Variants in TMEM132D observed in about 807,000 individuals in gnomAD.
TMEM132D encodes transmembrane protein 132D, also known as mature OL transmembrane protein.
TMEM132D carries 21 observed loss-of-function variants against 62.3 expected under a neutral mutation model. The observed-to-expected ratio is 0.34, with a 90% CI of 0.24 to 0.49. TMEM132D has a LOEUF of 0.49. TMEM132D is among the 20% of genes least tolerant of loss of function. TMEM132D has a pLI of 0.99. For missense variants in TMEM132D, 1,346 were observed against 1,402.8 expected, an observed-to-expected ratio of 0.96 and a Z score of 0.65; for synonymous variants, 621 against 575.6, an observed-to-expected ratio of 1.08 and a Z score of -1.13.
chr12:129,423,725 C>T (rs569403057), intron 3 of TMEM132D, among the ~76,000 whole-genome samples: 1 of 152,232 alleles, frequency 6.6e-6, no homozygotes, highest in Admixed American at 6.5e-5. Flanking sequence ...CCTTCCTCAA[C>T]ACGAACTTTC....
At chr12:129,504,678 GTTTCA>G (rs1875275824) in intron 3 of TMEM132D, among the ~76,000 whole-genome samples, 1 of 152,062 alleles carries the variant, frequency 6.6e-6, no homozygotes, top group Non-Finnish European at 1.5e-5. Context: ...CCAGCTTTTT[GTTTCA>G]TTTATCTTTT....
At chr12:129,194,572 T>C (rs909304744) in intron 5 of TMEM132D, among the ~76,000 whole-genome samples, 1 of 152,198 alleles carries the variant, frequency 6.6e-6, no homozygotes, top group Non-Finnish European at 1.5e-5. Context: ...CGAGTTTACC[T>C]ACGTAACAAA....
At chr12:129,567,559 G>A (rs1328148551) in intron 2 of TMEM132D, among the ~76,000 whole-genome samples, 1 of 152,174 alleles carries the variant, frequency 6.6e-6, no homozygotes, top group East Asian at 1.9e-4. Flanking sequence ...TATTGCTACA[G>A]AGTGGATGCA....
intron 3 of TMEM132D, among the ~76,000 whole-genome samples, chr12:129,525,789 A>G (rs952518400): frequency 6.6e-6 from 1 of 152,228 alleles, no homozygotes; most frequent in Admixed American, 6.5e-5. Context: ...TCTCACATTT[A>G]TGTTCTTCCC....
intron 3 of TMEM132D, among the ~76,000 whole-genome samples, chr12:129,473,808 C>T (rs1482025800): frequency 7.9e-5 from 12 of 152,300 alleles, no homozygotes; most frequent in Non-Finnish European, 1.6e-4. Flanking sequence ...GCAGTATCTC[C>T]GAGGCATGTC....
chr12:129,134,121 T>TGC, intron 5 of TMEM132D, among the ~76,000 whole-genome samples: 1 of 142,056 alleles, frequency 7.0e-6, no homozygotes, highest in South Asian at 2.2e-4. Context: ...GTGTGTTGTG[T>TGC]GTGTGTGTGT....
intron 1 of TMEM132D, among the ~76,000 whole-genome samples, chr12:129,809,208 T>G (rs1310862612): frequency 8.6e-5 from 13 of 150,770 alleles, no homozygotes. Flanking sequence ...TTCGGGAGGC[T>G]GAGGCAGGAG....
chr12:129,360,449 G>C (rs1487265340), intron 3 of TMEM132D, among the ~76,000 whole-genome samples: 1 of 152,210 alleles, frequency 6.6e-6, no homozygotes, highest in Non-Finnish European at 1.5e-5. Context: ...CAATGAGGAT[G>C]GAAAGCACCA....
chr12:129,146,295 C>T (rs1236745642), intron 5 of TMEM132D, among the ~76,000 whole-genome samples: 1 of 152,156 alleles, frequency 6.6e-6, no homozygotes, highest in Admixed American at 6.5e-5. Context: ...ACTGATTCTA[C>T]CTGCTAGATA....
At chr12:129,097,590 G>A (rs1302756707) in intron 5 of TMEM132D, among the ~76,000 whole-genome samples, 2 of 152,156 alleles carry the variant, frequency 1.3e-5, no homozygotes, top group Non-Finnish European at 2.9e-5. Flanking sequence ...ATGGCCTTAG[G>A]CCTCCAATGG....
chr12:129,891,351 C>G (rs1205854932), intron 1 of TMEM132D, among the ~76,000 whole-genome samples: 1 of 152,168 alleles, frequency 6.6e-6, no homozygotes, highest in Non-Finnish European at 1.5e-5. Context: ...CACACTTTGA[C>G]CAAAACAGAG....
In TMEM132D at chr12:129,786,633, G is replaced by A. The variant is rs892914795; in HGVS notation, c.80-85935C>T. 3.9e-5 allele frequency among the ~76,000 whole-genome samples: 6 copies of A among 152,300 alleles called. No individual in the cohort carries two copies. In the East Asian group the frequency reaches 1.2e-3, roughly 29 times the overall value. On this transcript the variant is annotated intron_variant, in intron 1 of 8. Coordinates refer to ENST00000422113, the MANE Select transcript of TMEM132D (RefSeq NM_133448.3). ...TGGCCAGGCATGATAGCTCACGCCTGTAACCCCAGCACTCTGGGAGGCCAA... is the reference window on the plus strand; with the variant it reads ...TGGCCAGGCATGATAGCTCACGCCTATAACCCCAGCACTCTGGGAGGCCAA...
rs540480596 is a variant in TMEM132D at position 129,677,194 on chromosome 12, G to A, written c.968+22616C>T. On this transcript the variant is annotated intron_variant, in intron 2 of 8. Transcript: ENST00000422113. ...TCCCACATGTCATGAGAGGAACCTG[G>A]TGGGAGGTGAATGAATTATTGGGGC... Among the ~76,000 whole-genome samples, 6 of 152,284 alleles carry A rather than the reference G, an allele frequency of 3.9e-5. No homozygotes were observed. The South Asian group carries it at 1.2e-3, about 32-fold the overall frequency.
chr12:129,140,214 CCACACACACACACACACA>C (rs58179230), intron 5 of TMEM132D, among the ~76,000 whole-genome samples: 1 of 148,552 alleles, frequency 6.7e-6, no homozygotes, highest in Non-Finnish European at 1.5e-5. Flanking sequence ...GGCGCTGTTA[CCACACACACACACACACA>C]CACACACACA....
chr12:129,206,202 A>C (rs573128940), intron 5 of TMEM132D, among the ~76,000 whole-genome samples: 1 of 152,332 alleles, frequency 6.6e-6, no homozygotes, highest in South Asian at 2.1e-4. Flanking sequence ...TTGCAAACTT[A>C]GCATCTGACA....
chr12:129,080,645 C>A (rs554715152), intron 7 of TMEM132D, among the ~76,000 whole-genome samples: 106 of 152,320 alleles, frequency 7.0e-4, no homozygotes, highest in Non-Finnish European at 1.2e-3. Flanking sequence ...GCATTGCCTG[C>A]AGATGGGGCA....
At chr12:129,161,685 C>A (rs1468462464) in intron 5 of TMEM132D, among the ~76,000 whole-genome samples, 3 of 152,194 alleles carry the variant, frequency 2.0e-5, no homozygotes, top group African/African-American at 7.2e-5. Flanking sequence ...CTCGTGCCAG[C>A]CTCTCCCCTG....
At chr12:129,346,520 T>G (rs1161014703) in intron 3 of TMEM132D, among the ~76,000 whole-genome samples, 2 of 152,152 alleles carry the variant, frequency 1.3e-5, no homozygotes, top group African/African-American at 4.8e-5. Context: ...TTCTTTTAAT[T>G]GTGACGTTAG....
intron 5 of TMEM132D, among the ~76,000 whole-genome samples, chr12:129,149,233 G>A (rs1593277153): frequency 6.6e-6 from 1 of 151,812 alleles, no homozygotes; most frequent in African/African-American, 2.4e-5. Context: ...GTTGGGGGGT[G>A]GGGGGCAAGG....
Sources: allele counts gnomAD v4.1 joint callset (sites outside exome capture counted in the v4.1 genomes callset), GRCh38; gene constraint gnomAD v4.1.1; transcripts MANE v1.5; gene names NCBI Gene and HGNC (gene_info 2026-07-23, HGNC 2026-07-21).